Variants in CEP63 observed in about 807,000 individuals in gnomAD.
The protein encoded by CEP63 is centrosomal protein 63.
A neutral mutation model predicts 89.1 loss-of-function variants in CEP63; 84 were observed. That is an observed-to-expected ratio of 0.94 (90% CI 0.79 to 1.13). The LOEUF (loss-of-function observed/expected upper bound fraction) is 1.13, where lower values mean the gene tolerates loss of function less well. CEP63 is among the 50% of genes most tolerant of loss of function. The probability of loss-of-function intolerance (pLI) is 0.00; values close to 1 mark genes in which losing one functional copy is unlikely to be tolerated. For missense variants in CEP63, 838 were observed against 813.3 expected, an observed-to-expected ratio of 1.03 and a Z score of -0.37; for synonymous variants, 267 against 272.5, an observed-to-expected ratio of 0.98 and a Z score of 0.20.
chr3:134,567,384 A>G (rs1957818059), downstream of CEP63, among the ~76,000 whole-genome samples: 1 of 151,586 alleles, frequency 6.6e-6, no homozygotes, highest in Admixed American at 6.6e-5. Context: ...ACAACTCTGA[A>G]TATAACAACT....
At chr3:134,730,000 G>A in the CEP63 span, among the ~76,000 whole-genome samples, 1 of 152,184 alleles carries the variant, frequency 6.6e-6, no homozygotes. Flanking sequence ...TAAAAGGAGA[G>A]CACGCATTTC....
the CEP63 span, among the ~76,000 whole-genome samples, chr3:134,643,126 G>A: frequency 6.6e-6 from 1 of 152,200 alleles, no homozygotes; most frequent in Non-Finnish European, 1.5e-5. Context: ...GGGGAAGACT[G>A]AGACTGTGCA....
At chr3:134,686,234 C>T in the CEP63 span, among the ~76,000 whole-genome samples, 1 of 152,220 alleles carries the variant, frequency 6.6e-6, no homozygotes, top group South Asian at 2.1e-4. Context: ...TGACAGCCGG[C>T]CCTGCACAAC....
chr3:134,528,473 G>A (rs181787922), intron 3 of CEP63, among the ~76,000 whole-genome samples: 1 of 152,198 alleles, frequency 6.6e-6, no homozygotes, highest in African/African-American at 2.4e-5. Flanking sequence ...ATCATTTAAA[G>A]TTTTTATAAT....
At chr3:134,496,436 G>C (rs906260669) in intron 2 of CEP63, among the ~76,000 whole-genome samples, 9 of 149,620 alleles carry the variant, frequency 6.0e-5, no homozygotes, top group African/African-American at 1.7e-4. Context: ...AAAAAAGGGG[G>C]GGGGGGCTAA....
At chr3:134,522,855 G>A (rs1265471274) in intron 3 of CEP63, among the ~76,000 whole-genome samples, 5 of 151,994 alleles carry the variant, frequency 3.3e-5, no homozygotes, top group East Asian at 1.9e-4. Flanking sequence ...ATAGTGCTGC[G>A]GTGAACTTAC....
intron 2 of CEP63, among the ~76,000 whole-genome samples, chr3:134,499,001 C>T (rs1941089261): frequency 6.6e-6 from 1 of 152,080 alleles, no homozygotes; most frequent in Non-Finnish European, 1.5e-5. Context: ...TAGTTGTCTT[C>T]TTTTGTTGTG....
intron 13 of CEP63, 45 bp from the exon 14 acceptor site, chr3:134,559,105 T>A (rs747943871): frequency 6.2e-7 from 1 of 1,605,604 alleles, no homozygotes; most frequent in South Asian, 1.1e-5. Context: ...AAGAGAAAAG[T>A]TGCTACAATT....
chr3:134,536,307 C>G (rs1950768239), intron 5 of CEP63: 1 of 152,204 alleles, frequency 6.6e-6, no homozygotes, highest in Non-Finnish European at 1.5e-5. Flanking sequence ...TAAAGCAGTA[C>G]CTGGCATATA....
At chr3:134,504,694 T>C (rs1943004687) in intron 2 of CEP63, among the ~76,000 whole-genome samples, 1 of 96,680 alleles carries the variant, frequency 1.0e-5, no homozygotes, top group Non-Finnish European at 2.2e-5. Flanking sequence ...TAAATTGGTT[T>C]TCTGTACCTA....
At chr3:134,584,109 A>C (rs1958426996) in intron 10 of CEP63, among the ~76,000 whole-genome samples, 1 of 152,192 alleles carries the variant, frequency 6.6e-6, no homozygotes, top group Admixed American at 6.5e-5. Context: ...ATATGCAATC[A>C]TGTCATCTGC....
chr3:134,715,576 G>T, the CEP63 span, among the ~76,000 whole-genome samples: 1 of 149,366 alleles, frequency 6.7e-6, no homozygotes, highest in Non-Finnish European at 1.5e-5. Flanking sequence ...GAGGCAGATA[G>T]GCCCGGGGTC....
chr3:134,489,447 G>A (rs1256249933), intron 1 of CEP63, among the ~76,000 whole-genome samples: 1 of 152,102 alleles, frequency 6.6e-6, no homozygotes, highest in Non-Finnish European at 1.5e-5. Flanking sequence ...GGGAAGCAGT[G>A]TCTGAGTTGT....
At chr3:134,725,222 C>T in the CEP63 span, among the ~76,000 whole-genome samples, 5 of 152,128 alleles carry the variant, frequency 3.3e-5, no homozygotes, top group East Asian at 9.6e-4. Context: ...TATTTGTCAT[C>T]AAATTTGTAA....
chr3:134,766,863 C>A, the CEP63 span, among the ~76,000 whole-genome samples: 1 of 152,190 alleles, frequency 6.6e-6, no homozygotes, highest in Non-Finnish European at 1.5e-5. Context: ...TGACCTGGCA[C>A]CCACATTTCA....
the CEP63 span, among the ~76,000 whole-genome samples, chr3:134,762,865 A>T: frequency 1.3e-5 from 2 of 152,162 alleles, no homozygotes; most frequent in Admixed American, 1.3e-4. Context: ...CAACAAAACA[A>T]ACGAACGAAC....
At chr3:134,486,346 T>C (rs1176216028) in intron 1 of CEP63, 144 bp downstream of exon 1, 2 of 985,450 alleles carry the variant, frequency 2.0e-6, no homozygotes, top group East Asian at 1.1e-4. Context: ...CCTCATGGCT[T>C]GCGGCCGGTT....
At chr3:134,757,393 T>C in the CEP63 span, among the ~76,000 whole-genome samples, 1 of 152,188 alleles carries the variant, frequency 6.6e-6, no homozygotes, top group Admixed American at 6.5e-5. Context: ...ATGAGTTACA[T>C]AAATAATTTC....
intron 3 of CEP63, among the ~76,000 whole-genome samples, chr3:134,530,169 A>C (rs570424262): frequency 6.6e-6 from 1 of 152,074 alleles, no homozygotes; most frequent in Admixed American, 6.5e-5. Flanking sequence ...CACCGCGCCC[A>C]ACAAGGTTAA....
Sources: allele counts gnomAD v4.1 joint callset (sites outside exome capture counted in the v4.1 genomes callset), GRCh38; gene constraint gnomAD v4.1.1; transcripts MANE v1.5; gene names NCBI Gene and HGNC (gene_info 2026-07-23, HGNC 2026-07-21).